PHLPP1: variants seen among roughly 807,000 people sequenced by gnomAD.
PHLPP1 encodes the protein PH domain and leucine rich repeat protein phosphatase 1.
A neutral mutation model predicts 117.2 loss-of-function variants in PHLPP1; 42 were observed. The observed-to-expected ratio is 0.36, with a 90% CI of 0.28 to 0.46. The LOEUF is 0.46. Ranked by LOEUF, PHLPP1 falls within the 20% of genes least tolerant of loss-of-function variation. The probability of loss-of-function intolerance (pLI) is 1.00; values close to 1 mark genes in which losing one functional copy is unlikely to be tolerated. For synonymous variants in PHLPP1, 1,042 were observed against 970.7 expected (o/e 1.07, Z -1.37); for missense variants, 2,084 against 2,241.9 (o/e 0.93, Z 1.42).
chr18:62,833,280 G>A (rs553824586), intron 2 of PHLPP1, among the ~76,000 whole-genome samples: 1 of 152,248 alleles, frequency 6.6e-6, no homozygotes, highest in East Asian at 1.9e-4. Flanking sequence ...CACCGTGTTG[G>A]CCAGGCTGGT....
chr18:62,773,854 C>T (rs955209887), intron 1 of PHLPP1, among the ~76,000 whole-genome samples: 1 of 152,154 alleles, frequency 6.6e-6, no homozygotes, highest in African/African-American at 2.4e-5. Flanking sequence ...AAGTTGCCGG[C>T]AGATTCCTTG....
rs535686002 is a variant in PHLPP1 at position 62,965,716 on chromosome 18, C to G, written c.3560+2244C>G. On this transcript the variant is annotated intron_variant, in intron 14 of 16. Coordinates refer to ENST00000262719, the MANE Select transcript of PHLPP1 (RefSeq NM_194449.4). ...TCAGGTGATCCACCTGCCTCAGCCTCCCAAAGTGCTGGGATTACAGATGTG... is the reference window on the plus strand; with the variant it reads ...TCAGGTGATCCACCTGCCTCAGCCTGCCAAAGTGCTGGGATTACAGATGTG... Among the ~76,000 whole-genome samples, 10 of 151,548 alleles carry G rather than the reference C, an allele frequency of 6.6e-5. No homozygotes were observed. The South Asian group carries it at 1.9e-3, about 28-fold the overall frequency.
At chr18:62,901,029 T>G (rs1425965260) in intron 6 of PHLPP1, among the ~76,000 whole-genome samples, 1 of 152,236 alleles carries the variant, frequency 6.6e-6, no homozygotes, top group Non-Finnish European at 1.5e-5. Flanking sequence ...AGTTAACAAC[T>G]TAAGCCAAAT....
At chr18:62,750,218 A>T (rs1911802528) in intron 1 of PHLPP1, among the ~76,000 whole-genome samples, 2 of 152,060 alleles carry the variant, frequency 1.3e-5, no homozygotes, top group Admixed American at 6.5e-5. Context: ...TCAGCTTGAA[A>T]CACCCATTTT....
intron 3 of PHLPP1, among the ~76,000 whole-genome samples, chr18:62,859,115 A>G (rs1364157853): frequency 6.6e-6 from 1 of 152,230 alleles, no homozygotes; most frequent in Non-Finnish European, 1.5e-5. Context: ...AAAAGAGATC[A>G]GACTGATCAC....
intron 12 of PHLPP1, among the ~76,000 whole-genome samples, chr18:62,956,133 G>A (rs112088678): frequency 9.9e-4 from 151 of 152,290 alleles, no homozygotes; most frequent in Non-Finnish European, 1.8e-3. Flanking sequence ...GCTATTAAAG[G>A]TGGTGGTATA....
chr18:62,867,520 T>C (rs2144368972), intron 4 of PHLPP1, among the ~76,000 whole-genome samples: 1 of 152,368 alleles, frequency 6.6e-6, no homozygotes, highest in East Asian at 1.9e-4. Context: ...GCTGGCTTGA[T>C]AGCAGCCTCA....
intron 1 of PHLPP1, among the ~76,000 whole-genome samples, chr18:62,763,482 A>G (rs947187780): frequency 1.3e-5 from 2 of 152,162 alleles, no homozygotes; most frequent in Non-Finnish European, 2.9e-5. Context: ...GCAGCAAGTC[A>G]TGCGAACACC....
rs541208237 is a variant in PHLPP1, at chr18:62,967,658, C to T, written c.3560+4186C>T. Reference sequence around the variant, plus strand: ...ATGAAATCTTAGTTTTTATAATAAACAGATAACACATTTTGTCATAGACTT... The same window carrying T: ...ATGAAATCTTAGTTTTTATAATAAATAGATAACACATTTTGTCATAGACTT... On this transcript the variant is annotated intron_variant, in intron 14 of 16. Transcript: ENST00000262719. 5.3e-5 allele frequency among the ~76,000 whole-genome samples: 8 copies of T among 152,058 alleles called. No individual in the cohort carries two copies. In the South Asian group the frequency reaches 1.7e-3, roughly 32 times the overall value.
At chr18:62,746,366 A>T (rs117225402) in intron 1 of PHLPP1, among the ~76,000 whole-genome samples, 1 of 152,082 alleles carries the variant, frequency 6.6e-6, no homozygotes, top group Non-Finnish European at 1.5e-5. Flanking sequence ...TTTATAGTGA[A>T]TTTTCCTCAA....
intron 1 of PHLPP1, among the ~76,000 whole-genome samples, chr18:62,822,265 G>GTTTTTTTTTGTTTTTTTTT (rs1914481126): frequency 1.7e-5 from 2 of 116,180 alleles, no homozygotes; most frequent in Non-Finnish European, 1.9e-5. Context: ...AGAAAATAGT[G>GTTTTTTTTTGTTTTTTTTT]TTTTTTTTTT....
intron 2 of PHLPP1, among the ~76,000 whole-genome samples, chr18:62,833,526 C>T (rs1392035604): frequency 6.6e-6 from 1 of 152,186 alleles, no homozygotes; most frequent in Non-Finnish European, 1.5e-5. Context: ...ATTGCCTCCC[C>T]TAGCCCTAGA....
chr18:62,850,886 C>T (rs993076822), intron 3 of PHLPP1, among the ~76,000 whole-genome samples: 2 of 152,160 alleles, frequency 1.3e-5, no homozygotes, highest in African/African-American at 4.8e-5. Context: ...GAATACGTGG[C>T]TCATTTTGTC....
chr18:62,751,275 G>A (rs1911845820), intron 1 of PHLPP1, among the ~76,000 whole-genome samples: 1 of 152,198 alleles, frequency 6.6e-6, no homozygotes, highest in Non-Finnish European at 1.5e-5. Flanking sequence ...GTGGGAGGAA[G>A]GGGGTAGTCT....
rs1272614145 is a variant in PHLPP1 at position 62,826,137 on chromosome 18, T to C, written c.1577-3898T>C. On this transcript the variant is annotated intron_variant, in intron 1 of 16. Transcript: ENST00000262719. ...CTACAGTTATCTGACAAATCTGATG[T>C]CTGTGCATATTTATTTATTTGTTTT... 7.0e-5 allele frequency: 19 copies of C among 269,850 alleles called. 2 individuals are homozygous for C. The Admixed American group carries it at 8.6e-4, about 12-fold the overall frequency. The allele number at this position is 269,850 out of a possible 1,614,324, so 16.7% of individuals were successfully genotyped here. A position where few individuals can be genotyped will look rare whatever the true frequency, so the allele number is the denominator to read the frequency against.
rs191478537 is a variant in PHLPP1 at position 62,856,217 on chromosome 18, C to G, written c.1900-4218C>G. On this transcript the variant is annotated intron_variant, in intron 3 of 16. Coordinates refer to ENST00000262719, the MANE Select transcript of PHLPP1 (RefSeq NM_194449.4). ...CTAATCCCCAGTGGATATGGAGCGC[C>G]GACCATATGTTGGTGATCACCTCAC... Among the ~76,000 whole-genome samples, 32 of 152,118 alleles carry G rather than the reference C, an allele frequency of 2.1e-4. No homozygotes were observed. In the South Asian group the frequency reaches 3.5e-3, roughly 17 times the overall value.
intron 8 of PHLPP1, 126 bp downstream of exon 8, chr18:62,905,410 C>T (rs1916822045): frequency 2.3e-6 from 1 of 431,358 alleles, no homozygotes; most frequent in Admixed American, 4.4e-5. Flanking sequence ...ATGATTTTTA[C>T]TTTATTCTCT....
intron 1 of PHLPP1, among the ~76,000 whole-genome samples, chr18:62,737,878 G>A (rs947087506): frequency 6.6e-6 from 1 of 152,136 alleles, no homozygotes; most frequent in African/African-American, 2.4e-5. Flanking sequence ...ATGTAGAATT[G>A]TTGGGTTTTA....
At chr18:62,744,818 G>A (rs2122078426) in intron 1 of PHLPP1, among the ~76,000 whole-genome samples, 1 of 152,290 alleles carries the variant, frequency 6.6e-6, no homozygotes, top group Admixed American at 6.5e-5. Context: ...AATAATTTGT[G>A]TAGATATGCA....
Sources: gnomAD v4.1 joint callset for allele counts (sites outside exome capture counted in the v4.1 genomes callset) on GRCh38, gnomAD v4.1.1 for gene constraint, MANE v1.5 for transcripts, NCBI Gene and HGNC (gene_info 2026-07-23, HGNC 2026-07-21) for gene names.